Variants in ZNF804B observed in about 807,000 individuals in gnomAD.
ZNF804B encodes the protein zinc finger 804B.
In ZNF804B, 80 loss-of-function variants were observed where a neutral mutation model predicts 101.4. The ratio of observed to expected loss-of-function variants is 0.79; its 90% CI spans 0.66 to 0.95. The LOEUF is 0.95. Among genes scored for constraint, ZNF804B ranks in the 40% least tolerant of loss-of-function variants. ZNF804B has a pLI of 0.00. For synonymous variants in ZNF804B, 622 were observed against 558.8 expected, an observed-to-expected ratio of 1.11 and a Z score of -1.59; for missense variants, 1,673 against 1,561.9, an observed-to-expected ratio of 1.07 and a Z score of -1.20.
intron 2 of ZNF804B, among the ~76,000 whole-genome samples, chr7:89,272,327 A>G (rs71557042): frequency 2.0e-4 from 31 of 152,072 alleles, no homozygotes; most frequent in Non-Finnish European, 4.0e-4. Context: ...TTTTTGTTTT[A>G]CATTTTCTAA....
At chr7:88,988,111 A>G (rs1239440267) in intron 1 of ZNF804B, among the ~76,000 whole-genome samples, 1 of 151,902 alleles carries the variant, frequency 6.6e-6, no homozygotes, top group Non-Finnish European at 1.5e-5. Context: ...CATTTAACAT[A>G]ATGTCCTCCA....
Position 89,195,562 on chromosome 7 carries a change from C to G in ZNF804B, c.109-22593C>G, listed in dbSNP as rs531518336. The stretch of plus-strand genomic sequence containing the variant: ...CACCAATAACAGACAAACAGAGAGC[C>G]AAATCATGAGTGAACTCCCATTCAC... On this transcript the variant is annotated intron_variant, in intron 1 of 3. Coordinates refer to ENST00000333190, the MANE Select transcript of ZNF804B (RefSeq NM_181646.5). Among the ~76,000 whole-genome samples the G allele has an allele frequency of 4.0e-5, 6 of 150,994 alleles. No individual in the cohort carries two copies. In the East Asian group the frequency reaches 9.8e-4, roughly 25 times the overall value.
At chr7:89,141,234 A>C (rs1427747454) in intron 1 of ZNF804B, among the ~76,000 whole-genome samples, 1 of 152,090 alleles carries the variant, frequency 6.6e-6, no homozygotes, top group Non-Finnish European at 1.5e-5. Context: ...TATAATAATA[A>C]TTAAAACATT....
At chr7:89,224,327 C>T (rs555765731) in intron 2 of ZNF804B, among the ~76,000 whole-genome samples, 8 of 152,134 alleles carry the variant, frequency 5.3e-5, no homozygotes, top group Non-Finnish European at 7.4e-5. Context: ...TGAACTCCAA[C>T]GGATTCATTG....
intron 1 of ZNF804B, among the ~76,000 whole-genome samples, chr7:89,018,529 G>A (rs1039648298): frequency 4.8e-4 from 73 of 151,972 alleles, no homozygotes; most frequent in African/African-American, 1.7e-3. Flanking sequence ...AGTTTTGCTG[G>A]CCTTGCACAA....
At chr7:89,310,915 C>A (rs545298351) in intron 2 of ZNF804B, among the ~76,000 whole-genome samples, 2 of 152,154 alleles carry the variant, frequency 1.3e-5, no homozygotes, top group South Asian at 4.1e-4. Context: ...GGCTTCATGT[C>A]AGGAACCACA....
chr7:89,207,635 A>T (rs1223270881), intron 1 of ZNF804B, among the ~76,000 whole-genome samples: 1 of 152,258 alleles, frequency 6.6e-6, no homozygotes, highest in Non-Finnish European at 1.5e-5. Flanking sequence ...TCTACAGTTT[A>T]CATTAAGACT....
chr7:88,915,860 T>C (rs1792625990), intron 1 of ZNF804B, among the ~76,000 whole-genome samples: 1 of 142,350 alleles, frequency 7.0e-6, no homozygotes, highest in Non-Finnish European at 1.5e-5. Context: ...ATATCTATGA[T>C]ATAATATATT....
At chr7:88,969,381 A>C (rs1488226080) in intron 1 of ZNF804B, among the ~76,000 whole-genome samples, 1 of 151,656 alleles carries the variant, frequency 6.6e-6, no homozygotes, top group Non-Finnish European at 1.5e-5. Context: ...GATGAGGTTA[A>C]TGCAATGGGT....
chr7:89,167,189 T>A (rs937455324), intron 1 of ZNF804B, among the ~76,000 whole-genome samples: 3 of 151,840 alleles, frequency 2.0e-5, no homozygotes, highest in Admixed American at 2.0e-4. Flanking sequence ...AAATAATTCA[T>A]GTATGGGAGG....
At chr7:89,043,989 A>G (rs1315417340) in intron 1 of ZNF804B, among the ~76,000 whole-genome samples, 1 of 152,218 alleles carries the variant, frequency 6.6e-6, no homozygotes, top group Non-Finnish European at 1.5e-5. Flanking sequence ...CTATTCACCC[A>G]TAGAAAATGA....
intron 1 of ZNF804B, among the ~76,000 whole-genome samples, chr7:88,877,359 T>A (rs1791969460): frequency 6.6e-6 from 1 of 151,918 alleles, no homozygotes; most frequent in South Asian, 2.1e-4. Context: ...TTTGTAGGTA[T>A]ATGTAGAATT....
At position 88,981,877 on chromosome 7, in the gene ZNF804B, G is replaced by A. The variant is rs569883417; in HGVS notation, c.108+221793G>A. ...TGCTGGGGGATCAGGGAGTGGTGGT[G>A]TAGATAATGCAACACTGTCTTTCAT... On this transcript the variant is annotated intron_variant, in intron 1 of 3. Transcript: ENST00000333190. Among the ~76,000 whole-genome samples, 20 of 152,134 alleles carry A rather than the reference G, an allele frequency of 1.3e-4. 1 individual carries two copies. In the South Asian group the frequency reaches 1.9e-3, roughly 14 times the overall value.
At chr7:88,760,343 T>C (rs903700686) in intron 1 of ZNF804B, among the ~76,000 whole-genome samples, 1 of 152,240 alleles carries the variant, frequency 6.6e-6, no homozygotes, top group Non-Finnish European at 1.5e-5. Context: ...AAATACTTAC[T>C]GAATGCAGTC....
chr7:89,052,898 C>T (rs1789230946), intron 1 of ZNF804B, among the ~76,000 whole-genome samples: 1 of 152,144 alleles, frequency 6.6e-6, no homozygotes, highest in Non-Finnish European at 1.5e-5. Context: ...GTTTGAAAGA[C>T]ATATTTGGGC....
At chr7:88,943,863 T>C (rs1793090389) in intron 1 of ZNF804B, among the ~76,000 whole-genome samples, 1 of 151,874 alleles carries the variant, frequency 6.6e-6, no homozygotes, top group Non-Finnish European at 1.5e-5. Flanking sequence ...TTTAAAGGGC[T>C]GTGTACCTTT....
intron 1 of ZNF804B, among the ~76,000 whole-genome samples, chr7:88,826,697 A>G (rs1211260123): frequency 1.3e-5 from 2 of 152,152 alleles, no homozygotes; most frequent in Non-Finnish European, 1.5e-5. Context: ...TTATAAGTTC[A>G]TAGTGTAGAA....
chr7:89,089,419 T>C (rs1428260058), intron 1 of ZNF804B, among the ~76,000 whole-genome samples: 2 of 152,078 alleles, frequency 1.3e-5, no homozygotes, highest in Non-Finnish European at 2.9e-5. Flanking sequence ...AAGTATATAA[T>C]GTTTATATGT....
rs1788570748 is a variant in ZNF804B at position 89,016,801 on chromosome 7, G to A, written c.109-201354G>A. Reference sequence around the variant, plus strand: ...CCTCCAGCTTTGTTCTTTTAGCTTAGATTGACTTGGCGATGCGGGCTCCTT... The same window carrying A: ...CCTCCAGCTTTGTTCTTTTAGCTTAAATTGACTTGGCGATGCGGGCTCCTT... On this transcript the variant is annotated intron_variant, in intron 1 of 3. Transcript: ENST00000333190. Among the ~76,000 whole-genome samples, 4 of 152,240 alleles carry A rather than the reference G, an allele frequency of 2.6e-5. No homozygotes were observed. In the South Asian group the frequency reaches 8.3e-4, roughly 32 times the overall value.
Sources: gnomAD v4.1 joint callset for allele counts (sites outside exome capture counted in the v4.1 genomes callset) on GRCh38, gnomAD v4.1.1 for gene constraint, MANE v1.5 for transcripts, NCBI Gene and HGNC (gene_info 2026-07-23, HGNC 2026-07-21) for gene names.